Variants in SRP72 observed in about 807,000 individuals in gnomAD.
SRP72 encodes signal recognition particle subunit SRP72.
Under a neutral mutation model 96.3 loss-of-function variants are expected in SRP72, and 49 were observed. The ratio of observed to expected loss-of-function variants is 0.51; its 90% confidence interval spans 0.40 to 0.65. The LOEUF (loss-of-function observed/expected upper bound fraction) is 0.65, where lower values mean the gene tolerates loss of function less well. Among genes scored for constraint, SRP72 ranks in the 30% least tolerant of loss-of-function variants. SRP72 has a pLI of 0.00. For missense variants in SRP72, 736 were observed against 793.3 expected (o/e 0.93, Z 0.87); for synonymous variants, 267 against 275.2 (o/e 0.97, Z 0.30).
In SRP72 at chr4:56,484,676, A is replaced by G. The variant is rs1347057290; in HGVS notation, c.958-60A>G. On this transcript the variant is annotated intron_variant, in intron 9 of 18. Coordinates refer to ENST00000642900, the MANE Select transcript of SRP72 (RefSeq NM_006947.4). ...TCCCATGTTTCTTTTCTTTCTGGTCATTTAGTGTTTAATTTCATTAACCAG... is the reference window on the plus strand; with the variant it reads ...TCCCATGTTTCTTTTCTTTCTGGTCGTTTAGTGTTTAATTTCATTAACCAG... 1.0e-5 allele frequency: 16 copies of G among 1,600,550 alleles called. No homozygotes were observed. In the African/African-American group the frequency reaches 2.0e-4, roughly 20 times the overall value.
chr4:56,493,998 T>C (rs761410154), intron 16 of SRP72, among the ~76,000 whole-genome samples: 2 of 152,104 alleles, frequency 1.3e-5, no homozygotes, highest in Non-Finnish European at 2.9e-5. Context: ...CTGAGGACAG[T>C]GGGAAGTTAG....
chr4:56,473,274 A>G (rs915864135), intron 3 of SRP72, among the ~76,000 whole-genome samples: 1 of 152,016 alleles, frequency 6.6e-6, no homozygotes, highest in African/African-American at 2.4e-5. Context: ...CCTGGCTAAC[A>G]TGATGAAACC....
At chr4:56,486,047 G>A (rs552907034) in intron 10 of SRP72, among the ~76,000 whole-genome samples, 1 of 152,178 alleles carries the variant, frequency 6.6e-6, no homozygotes, top group East Asian at 1.9e-4. Context: ...AATCGGGGGT[G>A]GTTCTGGAAG....
chr4:56,467,640 C>G lies in SRP72; in HGVS notation c.5C>G (p.Ala2Gly). The change falls in exon 1 of 19, where the codon GCG (alanine) becomes GGG (glycine). Residue 2 changes from alanine to glycine, a missense_variant. By Grantham distance (60) the Ala-to-Gly change is moderately conservative. Coordinates refer to ENST00000642900, the MANE Select transcript of SRP72 (RefSeq NM_006947.4). M[A>G]SGGSGGVSVP... ...CCGCCCCTCGTCTCCTCCAAGATGG[C>G]GAGCGGCGGCAGCGGGGGGGTGTCA... 1 of 1,556,822 alleles carries G rather than the reference C, an allele frequency of 6.4e-7. No individual in the cohort carries two copies. Among genetic ancestry groups the G allele is most frequent in the Non-Finnish European group, 8.7e-7 (1 of 1,152,908 alleles).
At chr4:56,479,645 A>G (rs1720402367) in intron 8 of SRP72, among the ~76,000 whole-genome samples, 1 of 150,582 alleles carries the variant, frequency 6.6e-6, no homozygotes, top group African/African-American at 2.4e-5. Flanking sequence ...ATGCCCGGCT[A>G]ATTTAAAAAA....
At chr4:56,476,842 A>G (rs1397209689) in intron 6 of SRP72, 140 bp downstream of exon 6, 4 of 787,232 alleles carry the variant, frequency 5.1e-6, no homozygotes, top group Admixed American at 6.1e-5. Context: ...ACCACCCTCT[A>G]GTATCAGTTA....
chr4:56,489,955 A>G (rs890986242), intron 13 of SRP72, among the ~76,000 whole-genome samples: 1 of 152,208 alleles, frequency 6.6e-6, no homozygotes, highest in African/African-American at 2.4e-5. Context: ...TGCAGGTGGC[A>G]TTTATACTGT....
chr4:56,500,829 C>T (rs913288728), intron 18 of SRP72, 134 bp downstream of exon 18: 6 of 844,644 alleles, frequency 7.1e-6, no homozygotes, highest in East Asian at 5.7e-5. Flanking sequence ...TTATACTACA[C>T]TTATGCAAAT....
chr4:56,485,987 C>T (rs1432271206), intron 10 of SRP72, among the ~76,000 whole-genome samples: 4 of 152,128 alleles, frequency 2.6e-5, no homozygotes, highest in East Asian at 3.9e-4. Flanking sequence ...GTAGGTTATA[C>T]GCAAATACTA....
Position 56,500,600 on chromosome 4 carries a change from A to G in SRP72, c.1743A>G (p.Arg581=). ...TPDPERWLPM[R]ERSYYRGRKK... is the part of the protein sequence containing the mutation. ...ATCCAGAAAGATGGCTGCCAATGCG[A>G]GAACGTTCTTACTACCGGGGAAGAA... The change falls in exon 18 of 19, where the codon CGA becomes CGG. Residue 581 remains arginine, a synonymous_variant. Coordinates refer to ENST00000642900, the MANE Select transcript of SRP72 (RefSeq NM_006947.4). 3 of 1,614,034 alleles carry G rather than the reference A, an allele frequency of 1.9e-6. No individual in the cohort carries two copies. Among genetic ancestry groups the G allele is most frequent in the Non-Finnish European group, 2.5e-6 (3 of 1,179,940 alleles).
At chr4:56,473,535 G>A (rs1720069245) in intron 3 of SRP72, among the ~76,000 whole-genome samples, 1 of 151,904 alleles carries the variant, frequency 6.6e-6, no homozygotes, top group African/African-American at 2.4e-5. Context: ...TTGGGAGGCT[G>A]AGGTGGGCGG....
At chr4:56,472,375 T>A (rs1229867862) in intron 3 of SRP72, among the ~76,000 whole-genome samples, 3 of 145,088 alleles carry the variant, frequency 2.1e-5, no homozygotes, top group Admixed American at 7.1e-5. Context: ...TTTAATGGAG[T>A]CTCTCTGTTT....
intron 15 of SRP72, 98 bp from the exon 16 acceptor site, chr4:56,491,333 A>G (rs2110127728): frequency 7.2e-7 from 1 of 1,384,230 alleles, no homozygotes; most frequent in East Asian, 2.3e-5. Flanking sequence ...AAGAAAAGAC[A>G]GTCTTCCAGT....
At chr4:56,471,271 A>G (rs917873069) in intron 2 of SRP72, among the ~76,000 whole-genome samples, 8 of 152,212 alleles carry the variant, frequency 5.3e-5, no homozygotes, top group Non-Finnish European at 2.9e-5. Flanking sequence ...GTTTGATTAC[A>G]GGTACTTCTT....
At chr4:56,483,810 A>G (rs1298659541) in intron 9 of SRP72, among the ~76,000 whole-genome samples, 7 of 152,196 alleles carry the variant, frequency 4.6e-5, no homozygotes, top group Admixed American at 6.5e-5. Context: ...AAATGAGATA[A>G]CTTTCTCATT....
At chr4:56,473,579 A>G (rs2110113265) in intron 3 of SRP72, among the ~76,000 whole-genome samples, 1 of 151,892 alleles carries the variant, frequency 6.6e-6, no homozygotes, top group Non-Finnish European at 1.5e-5. Flanking sequence ...GACTAGCCTG[A>G]CCATGGAGAA....
chr4:56,484,851 T>C lies in SRP72; in HGVS notation c.1073T>C (p.Ile358Thr), dbSNP rs1198049553. The C allele has an allele frequency of 6.2e-7, 1 of 1,608,388 alleles. No individual in the cohort carries two copies. The highest frequency in any genetic ancestry group is 8.5e-7 in the Non-Finnish European group (1 of 1,178,872). Residue 358 changes from isoleucine (I) to threonine (T), a missense_variant, in exon 10 of 19, where the codon ATA becomes ACA. Coordinates refer to ENST00000642900, the MANE Select transcript of SRP72 (RefSeq NM_006947.4). ...LCREKQHTKA[I>T]ELLQEFSDQH... Reference sequence around the variant, plus strand: ...CGTGAAAAGCAGCACACAAAAGCAATAGAGCTGCTTCAGGTAAAATAATTA... The same window carrying C: ...CGTGAAAAGCAGCACACAAAAGCAACAGAGCTGCTTCAGGTAAAATAATTA...
intron 16 of SRP72, among the ~76,000 whole-genome samples, chr4:56,492,551 C>T (rs1224554930): frequency 6.6e-6 from 1 of 151,920 alleles, no homozygotes; most frequent in Non-Finnish European, 1.5e-5. Context: ...TTTTTGAATG[C>T]CTTTTGAAAT....
Position 56,484,749 on chromosome 4 carries a change from G to A in SRP72, c.971G>A (p.Arg324His), listed in dbSNP as rs149517121. The part of the protein sequence containing the change: ...AMYTNQAEQC[R>H]KISASLQSQS... ...GATATCTTCTAGGCTGAACAATGCC[G>A]CAAAATATCTGCCAGTTTACAGTCC... The change falls in exon 10 of 19, where the codon CGC (arginine) becomes CAC (histidine). Residue 324 changes from arginine (R) to histidine (H), a missense_variant. Arg to His is a conservative substitution (Grantham distance 29, BLOSUM62 0). This residue lies in a region of SRP72 where 388 missense variants were observed against 431.8 expected (regional missense o/e 0.90). Transcript: ENST00000642900. 1.3e-5 allele frequency: 21 copies of A among 1,613,832 alleles called. No individual in the cohort carries two copies. In the African/African-American group the frequency reaches 1.3e-4, roughly 10 times the overall value.
Sources: gnomAD v4.1 joint callset for allele counts (sites outside exome capture counted in the v4.1 genomes callset) on GRCh38, gnomAD v4.1.1 for gene constraint, gnomAD v4.1.1 regional missense constraint, MANE v1.5 for transcripts, NCBI Gene and HGNC (gene_info 2026-07-23, HGNC 2026-07-21) for gene names.